The following DET1 variants were observed in gnomAD, a reference collection of about 807,000 sequenced individuals.
The protein encoded by DET1 is DET1 homolog.
In DET1, 22 loss-of-function variants were observed where a neutral mutation model predicts 43.7. That is an observed-to-expected ratio of 0.50 (90% CI 0.36 to 0.72). The LOEUF is 0.72. Among genes scored for constraint, DET1 ranks in the 30% least tolerant of loss-of-function variants. DET1 has a pLI of 0.00. For synonymous variants in DET1, 315 were observed against 266.2 expected, an observed-to-expected ratio of 1.18 and a Z score of -1.79; for missense variants, 713 against 713.3, an observed-to-expected ratio of 1.00 and a Z score of 0.00.
In DET1 at chr15:88,512,925, C is replaced by G. The variant is rs780304332; in HGVS notation, c.*26G>C. 6.2e-7 allele frequency: 1 copy of G among 1,608,194 alleles called. No individual in the cohort carries two copies. The highest frequency in any genetic ancestry group is 8.5e-7 in the Non-Finnish European group (1 of 1,175,418). ...AGTGAGTGGCAAAGTCTTGGAAGACCAGATAATCTGGCTCTGGTGAGGCAC... is the reference window on the plus strand; with the variant it reads ...AGTGAGTGGCAAAGTCTTGGAAGACGAGATAATCTGGCTCTGGTGAGGCAC... On this transcript the variant is annotated 3_prime_UTR_variant, in exon 5 of 5. Coordinates refer to ENST00000268148, the MANE Select transcript of DET1 (RefSeq NM_001144074.3).
chr15:88,536,261 C>T (rs2056946083), intron 1 of DET1: 2 of 747,376 alleles, frequency 2.7e-6, no homozygotes, highest in East Asian at 5.0e-5. Flanking sequence ...TTTACTGATA[C>T]ACCCTATATT....
At chr15:88,519,141 C>T (rs1257977254) in intron 3 of DET1, among the ~76,000 whole-genome samples, 5 of 152,120 alleles carry the variant, frequency 3.3e-5, no homozygotes, top group African/African-American at 1.2e-4. Flanking sequence ...TTGTGATGAC[C>T]ACAAATCAAA....
chr15:88,517,903 T>C (rs2056389387), intron 3 of DET1, among the ~76,000 whole-genome samples: 2 of 152,262 alleles, frequency 1.3e-5, no homozygotes, highest in East Asian at 3.9e-4. Context: ...AACAGAACAG[T>C]TATTTCTCAT....
At chr15:88,541,920 G>A (rs1018069889) in intron 1 of DET1, among the ~76,000 whole-genome samples, 1 of 152,196 alleles carries the variant, frequency 6.6e-6, no homozygotes, top group African/African-American at 2.4e-5. Flanking sequence ...TTGCCTCCCG[G>A]CTGTGACCGC....
intron 8 of DET1, chr15:88,503,380 AG>A (rs1347881467): frequency 6.6e-6 from 1 of 152,256 alleles, no homozygotes; most frequent in Non-Finnish European, 1.5e-5. Context: ...TCCACCTACA[AG>A]GAAGAAGATG....
At chr15:88,510,118 T>A (rs927524476), downstream of DET1, among the ~76,000 whole-genome samples, 1 of 152,140 alleles carries the variant, frequency 6.6e-6, no homozygotes, top group Non-Finnish European at 1.5e-5. Flanking sequence ...GGGTCTAAGA[T>A]CCTCTGTAGT....
rs145360846 is a variant in DET1, at chr15:88,517,672, C to A, written c.1272-699G>T. 7.1e-3 allele frequency among the ~76,000 whole-genome samples: 1,077 copies of A among 152,302 alleles called. 12 individuals carry two copies. Among genetic ancestry groups the A allele is most frequent in the African/African-American group, 0.022 (927 of 41,558 alleles). On this transcript the variant is annotated intron_variant, in intron 3 of 4. Transcript: ENST00000268148. The stretch of plus-strand genomic sequence containing the variant: ...ATTTTCCCCAAATAATTGCCTTAGA[C>A]TGAATTAGGAAGGAGTTACAGAGAA...
In DET1 at chr15:88,527,601, G is replaced by T. The variant is rs551846481; in HGVS notation, c.1269C>A (p.Arg423=). The change falls in exon 3 of 5, where the codon CGC becomes CGA. Residue 423 remains arginine (R), a splice_region_variant and synonymous_variant. Coordinates refer to ENST00000268148, the MANE Select transcript of DET1 (RefSeq NM_001144074.3). ...TTGAGTCTGGTGGAACAGCTTACCGGCGCTGGATCTGCCTTGCAAAATTGT... is the reference window on the plus strand; with the variant it reads ...TTGAGTCTGGTGGAACAGCTTACCGTCGCTGGATCTGCCTTGCAAAATTGT... ...SSNNFARQIQ[R]RFKDTIINAK... is the part of the protein sequence containing the mutation. The T allele has an allele frequency of 1.3e-6, 2 of 1,599,234 alleles. No individual in the cohort carries two copies. Among genetic ancestry groups the T allele is most frequent in the East Asian group, 2.3e-5 (1 of 44,374 alleles).
Position 88,518,025 on chromosome 15 carries a change from C to G in DET1, c.1272-1052G>C, listed in dbSNP as rs530721131. ...AACCCCAGCTTACTGCAACCTCCACCTCTCCTGGGCTCAAGCAATCCTCCT... is the reference window on the plus strand; with the variant it reads ...AACCCCAGCTTACTGCAACCTCCACGTCTCCTGGGCTCAAGCAATCCTCCT... On this transcript the variant is annotated intron_variant, in intron 3 of 4. Coordinates refer to ENST00000268148, the MANE Select transcript of DET1 (RefSeq NM_001144074.3). Among the ~76,000 whole-genome samples the G allele has an allele frequency of 2.6e-5, 4 of 152,098 alleles. No homozygotes were observed. The South Asian group carries it at 6.2e-4, about 24-fold the overall frequency.
intron 3 of DET1, among the ~76,000 whole-genome samples, chr15:88,522,880 C>T (rs1401254006): frequency 3.7e-5 from 5 of 136,548 alleles, no homozygotes; most frequent in South Asian, 2.3e-4. Context: ...TTTTTTTTTT[C>T]TTCTTCTTTT....
intron 1 of DET1, among the ~76,000 whole-genome samples, chr15:88,545,398 G>A (rs983984157): frequency 6.6e-6 from 1 of 152,124 alleles, no homozygotes; most frequent in Non-Finnish European, 1.5e-5. Context: ...TGATTTAACT[G>A]TTCCTCCACC....
chr15:88,529,085 G>C (rs547326137), intron 2 of DET1, among the ~76,000 whole-genome samples: 2 of 152,314 alleles, frequency 1.3e-5, no homozygotes, highest in East Asian at 3.9e-4. Flanking sequence ...TATGTCATTA[G>C]CTACAACTTA....
intron 8 of DET1, chr15:88,502,062 C>A (rs572343656): frequency 2.0e-5 from 3 of 152,146 alleles, no homozygotes; most frequent in Admixed American, 2.0e-4. Context: ...AGATTTTTAT[C>A]CCTCACCTCC....
chr15:88,524,213 G>C (rs896773205), intron 3 of DET1, among the ~76,000 whole-genome samples: 1 of 151,044 alleles, frequency 6.6e-6, no homozygotes, highest in Admixed American at 6.6e-5. Flanking sequence ...CCGCCAGCCC[G>C]TCTGGGAGGT....
At chr15:88,524,710 C>T (rs953954101) in intron 3 of DET1, among the ~76,000 whole-genome samples, 1 of 152,072 alleles carries the variant, frequency 6.6e-6, no homozygotes, top group Non-Finnish European at 1.5e-5. Context: ...GGATTAAGGG[C>T]GGTGCAAGAT....
intron 1 of DET1, among the ~76,000 whole-genome samples, chr15:88,533,252 T>G (rs139741469): frequency 6.6e-6 from 1 of 152,224 alleles, no homozygotes; most frequent in East Asian, 1.9e-4. Context: ...TCACACCCAT[T>G]AGAACGACTG....
intron 4 of DET1, 31 bp from the exon 5 acceptor site, chr15:88,513,171 G>A (rs1295982380): frequency 6.4e-7 from 1 of 1,571,978 alleles, no homozygotes; most frequent in Non-Finnish European, 8.6e-7. Flanking sequence ...GACAGAGAAA[G>A]AGGGGACAGG....
At chr15:88,532,912 T>C (rs892528260) in intron 1 of DET1, among the ~76,000 whole-genome samples, 2 of 152,202 alleles carry the variant, frequency 1.3e-5, no homozygotes, top group African/African-American at 4.8e-5. Flanking sequence ...ACAAAAGGCA[T>C]AGGCGACCAA....
At chr15:88,511,796 A>T (rs1195176799), downstream of DET1, among the ~76,000 whole-genome samples, 3 of 152,230 alleles carry the variant, frequency 2.0e-5, no homozygotes, top group Non-Finnish European at 4.4e-5. Flanking sequence ...TCAGGATTTC[A>T]TATCACATTT....
Sources: gnomAD v4.1 joint callset for allele counts (sites outside exome capture counted in the v4.1 genomes callset) on GRCh38, gnomAD v4.1.1 for gene constraint, MANE v1.5 for transcripts, NCBI Gene and HGNC (gene_info 2026-07-23, HGNC 2026-07-21) for gene names.